The following CD247 variants were observed in gnomAD, a reference collection of about 807,000 sequenced individuals.
CD247 encodes T-cell surface glycoprotein CD3 zeta chain.
CD247 carries 13 observed loss-of-function variants against 30.0 expected under a neutral mutation model. That is an observed-to-expected ratio of 0.43 (90% confidence interval 0.28 to 0.69). The LOEUF (loss-of-function observed/expected upper bound fraction) is 0.69, where lower values mean the gene tolerates loss of function less well. Among genes scored for constraint, CD247 ranks in the 30% least tolerant of loss-of-function variants. The pLI is 0.16. For missense variants in CD247, 193 were observed against 212.6 expected (o/e 0.91, Z 0.57); for synonymous variants, 72 against 80.0 (o/e 0.90, Z 0.53).
chr1:167,487,022 C>T (rs955723907), intron 1 of CD247, among the ~76,000 whole-genome samples: 7 of 147,226 alleles, frequency 4.8e-5, no homozygotes, highest in African/African-American at 1.3e-4. Flanking sequence ...TGCAGTGAGT[C>T]GAGATCATGC....
intron 1 of CD247, among the ~76,000 whole-genome samples, chr1:167,455,016 G>A (rs919478560): frequency 1.3e-5 from 2 of 152,206 alleles, no homozygotes; most frequent in African/African-American, 2.4e-5. Context: ...GGAGCTCCCC[G>A]AGCCGGGGCC....
chr1:167,489,422 T>C (rs1007459133), intron 1 of CD247, among the ~76,000 whole-genome samples: 1 of 152,184 alleles, frequency 6.6e-6, no homozygotes, highest in Non-Finnish European at 1.5e-5. Flanking sequence ...CTCATTGAGA[T>C]AGCAGCAATG....
At chr1:167,450,435 A>C (rs1328642342) in intron 1 of CD247, among the ~76,000 whole-genome samples, 1 of 152,170 alleles carries the variant, frequency 6.6e-6, no homozygotes, top group Non-Finnish European at 1.5e-5. Context: ...TCAAAACTGC[A>C]GTGAGCCCTG....
intron 6 of CD247, among the ~76,000 whole-genome samples, chr1:167,433,545 T>A (rs1304793395): frequency 6.6e-6 from 1 of 152,158 alleles, no homozygotes; most frequent in Non-Finnish European, 1.5e-5. Flanking sequence ...TCTCATTGGG[T>A]TGTTGTGGGA....
At chr1:167,512,206 C>T (rs576829325) in intron 1 of CD247, among the ~76,000 whole-genome samples, 1 of 152,164 alleles carries the variant, frequency 6.6e-6, no homozygotes, top group African/African-American at 2.4e-5. Context: ...AGTCCTTGCA[C>T]GGCCCCCAAT....
intron 1 of CD247, among the ~76,000 whole-genome samples, chr1:167,475,998 T>A (rs535594069): frequency 5.3e-5 from 8 of 152,298 alleles, no homozygotes; most frequent in East Asian, 1.9e-4. Flanking sequence ...TAGTATATAT[T>A]TTTTTTCTTT....
chr1:167,441,877 G>A (rs1395055363), intron 1 of CD247, among the ~76,000 whole-genome samples: 1 of 152,242 alleles, frequency 6.6e-6, no homozygotes, highest in Non-Finnish European at 1.5e-5. Context: ...TTGGGAGGCT[G>A]ACATGGGTGT....
chr1:167,493,551 C>T (rs1415928571), intron 1 of CD247, among the ~76,000 whole-genome samples: 3 of 152,118 alleles, frequency 2.0e-5, no homozygotes, highest in African/African-American at 4.8e-5. Flanking sequence ...GAGATAGGTG[C>T]TATTGTGCCC....
intron 1 of CD247, among the ~76,000 whole-genome samples, chr1:167,513,974 A>G (rs1655495636): frequency 6.6e-6 from 1 of 152,204 alleles, no homozygotes; most frequent in South Asian, 2.1e-4. Flanking sequence ...TTGTTTTTAA[A>G]ATAACATTGT....
intron 1 of CD247, among the ~76,000 whole-genome samples, chr1:167,481,630 T>C (rs895633259): frequency 6.6e-6 from 1 of 152,214 alleles, no homozygotes; most frequent in East Asian, 1.9e-4. Flanking sequence ...TGAGGACAGA[T>C]GCAGTAAGTT....
rs932017383 is a variant in CD247, at chr1:167,472,441, T to TTG, written c.59-31676_59-31675dup. ...GAATTATGCCTATGGCCAAATGTGT[T>TTG]TGTATGCACTCACACACAGTGTGTG... On this transcript the variant is annotated intron_variant, in intron 1 of 7. Transcript: ENST00000362089. Among the ~76,000 whole-genome samples the TTG allele has an allele frequency of 1.4e-4, 22 of 152,240 alleles. 1 individual carries two copies. The highest frequency in any genetic ancestry group is 5.3e-4 in the African/African-American group (22 of 41,472).
chr1:167,432,464 A>C (rs1263586849), intron 7 of CD247, among the ~76,000 whole-genome samples: 1 of 152,208 alleles, frequency 6.6e-6, no homozygotes, highest in Non-Finnish European at 1.5e-5. Flanking sequence ...TGGGAGCCAG[A>C]AGGAGGGAAA....
At chr1:167,461,064 G>A (rs1041941219) in intron 1 of CD247, among the ~76,000 whole-genome samples, 2 of 152,218 alleles carry the variant, frequency 1.3e-5, no homozygotes, top group Admixed American at 6.5e-5. Flanking sequence ...AAAGCCTGCC[G>A]TGCCTGCAGC....
At chr1:167,459,063 A>AG (rs1652866053) in intron 1 of CD247, among the ~76,000 whole-genome samples, 1 of 149,004 alleles carries the variant, frequency 6.7e-6, no homozygotes, top group Non-Finnish European at 1.5e-5. Flanking sequence ...TGAAGCTGGG[A>AG]GGGGGAGGTT....
At chr1:167,474,812 G>T (rs1653678912) in intron 1 of CD247, among the ~76,000 whole-genome samples, 1 of 148,798 alleles carries the variant, frequency 6.7e-6, no homozygotes, top group Non-Finnish European at 1.5e-5. Flanking sequence ...GAGTGCAGTG[G>T]TACGATCTCC....
chr1:167,436,395 C>T (rs964313811), intron 4 of CD247, among the ~76,000 whole-genome samples: 4 of 152,214 alleles, frequency 2.6e-5, no homozygotes, highest in Non-Finnish European at 5.9e-5. Context: ...TCCTCCCTTT[C>T]TTCTAAGATC....
chr1:167,434,928 C>A (rs533151119), intron 5 of CD247: 1 of 429,498 alleles, frequency 2.3e-6, no homozygotes, highest in East Asian at 7.2e-5. Context: ...GCCCTTCCTC[C>A]AGCCCTTCCT....
Position 167,431,562 on chromosome 1 carries a change from C to T in CD247, c.*119G>A, listed in dbSNP as rs1307612173. The T allele has an allele frequency of 1.2e-6, 1 of 860,416 alleles. No individual in the cohort carries two copies. Among genetic ancestry groups the T allele is most frequent in the Non-Finnish European group, 2.0e-6 (1 of 493,222 alleles). The allele number at this position is 860,416 out of a possible 1,614,324, so 53.3% of individuals were successfully genotyped here. On this transcript the variant is annotated 3_prime_UTR_variant, in exon 8 of 8. Transcript: ENST00000362089. Reference sequence around the variant, plus strand: ...CTAAATATAACCAAAGCATCCTGTACATAAAGGGGAATACTTCAGTGGCTG... The same window carrying T: ...CTAAATATAACCAAAGCATCCTGTATATAAAGGGGAATACTTCAGTGGCTG...
At position 167,431,141 on chromosome 1, in the gene CD247, G is replaced by C. The variant is rs746031616; in HGVS notation, c.*540C>G. Reference sequence around the variant, plus strand: ...CTTCCCATGCCCCTGCAGCTCCCTGGTTGCACCTGGCCTAGGCTCCTTTCC... The same window carrying C: ...CTTCCCATGCCCCTGCAGCTCCCTGCTTGCACCTGGCCTAGGCTCCTTTCC... On this transcript the variant is annotated 3_prime_UTR_variant, in exon 8 of 8. Transcript: ENST00000362089. 2.4e-6 allele frequency: 1 copy of C among 424,168 alleles called. No individual in the cohort carries two copies. The highest frequency in any genetic ancestry group is 4.2e-6 in the Non-Finnish European group (1 of 240,082). 26.3% of individuals were successfully genotyped at this position (424,168 alleles called of 1,614,324 possible).
Sources: allele counts gnomAD v4.1 joint callset (sites outside exome capture counted in the v4.1 genomes callset), GRCh38; gene constraint gnomAD v4.1.1; transcripts MANE v1.5; gene names NCBI Gene and HGNC (gene_info 2026-07-23, HGNC 2026-07-21).